CRMP1: variants seen among roughly 807,000 people sequenced by gnomAD.
CRMP1 encodes collapsin response mediator protein 1.
In CRMP1, 19 loss-of-function variants were observed where a neutral mutation model predicts 68.3. The ratio of observed to expected loss-of-function variants is 0.28; its 90% CI spans 0.19 to 0.41. The LOEUF is 0.41. Ranked by LOEUF, CRMP1 falls within the 10% of genes least tolerant of loss-of-function variation. The pLI, the probability that CRMP1 is intolerant of heterozygous loss-of-function variation, is 1.00. For synonymous variants in CRMP1, 439 were observed against 399.6 expected, an observed-to-expected ratio of 1.10 and a Z score of -1.18; for missense variants, 791 against 967.4, an observed-to-expected ratio of 0.82 and a Z score of 2.42.
In CRMP1 at chr4:5,843,439, A is replaced by G. The variant is rs994115069; in HGVS notation, c.964-278T>C. ...AGAGGAAGCAGGGTTATAAGACACG[A>G]GCTTCCAAGGCCACCCACCACTCTC... On this transcript the variant is annotated intron_variant, in intron 6 of 13. Transcript: ENST00000324989. The surrounding 1 kb of genome is among the most constrained non-coding windows in gnomAD (Gnocchi z 4.1). Among the ~76,000 whole-genome samples the G allele has an allele frequency of 3.2e-4, 49 of 151,954 alleles. No homozygotes were observed. Among genetic ancestry groups the G allele is most frequent in the African/African-American group, 1.0e-3 (43 of 41,358 alleles).
At position 5,866,393 on chromosome 4, in the gene CRMP1, A is replaced by C. The variant is rs1170823952; in HGVS notation, c.470+275T>G. On this transcript the variant is annotated intron_variant, in intron 2 of 13. Coordinates refer to ENST00000324989, the MANE Select transcript of CRMP1 (RefSeq NM_001014809.3). The surrounding 1 kb of genome is among the most constrained non-coding windows in gnomAD (Gnocchi z 5.9). ...CGCCTCCAAAACCACAAAACAGGAA[A>C]CGTGTCTGCATTTTGCAGCCTTTGT... is the stretch of plus-strand genomic sequence containing the variant. Among the ~76,000 whole-genome samples, 1 of 152,162 alleles carries C rather than the reference A, an allele frequency of 6.6e-6. No homozygotes were observed. The highest frequency in any genetic ancestry group is 2.4e-5 in the African/African-American group (1 of 41,432).
At chr4:5,868,291 A>ATATATATC (rs1159080294) in intron 1 of CRMP1, among the ~76,000 whole-genome samples, 1 of 99,246 alleles carries the variant, frequency 1.0e-5, no homozygotes, top group African/African-American at 4.6e-5. Flanking sequence ...ATATATATAT[A>ATATATATC]TATATATATA....
chr4:5,833,159 CTTTTTTTTTT>C (rs1160531301), intron 11 of CRMP1, among the ~76,000 whole-genome samples: 3 of 84,636 alleles, frequency 3.5e-5, no homozygotes, highest in Middle Eastern at 8.3e-3. Context: ...CCTTCCAGAA[CTTTTTTTTTT>C]TTTTTTTTTT....
Position 5,860,577 on chromosome 4 carries a change from T to C in CRMP1, c.655+449A>G, listed in dbSNP as rs1056079503. Among the ~76,000 whole-genome samples, 3 of 152,002 alleles carry C rather than the reference T, an allele frequency of 2.0e-5. No homozygotes were observed. The highest frequency in any genetic ancestry group is 6.6e-5 in the Admixed American group (1 of 15,254). ...TCTATTCTCCCATCTGTCACAATAATACCTATGTCACTGGTTCTGAAACCA... is the reference window on the plus strand; with the variant it reads ...TCTATTCTCCCATCTGTCACAATAACACCTATGTCACTGGTTCTGAAACCA... On this transcript the variant is annotated intron_variant, in intron 3 of 13. Transcript: ENST00000324989. The surrounding 1 kb of genome is among the most constrained non-coding windows in gnomAD (Gnocchi z 4.2).
rs1178158204 is a variant in CRMP1 at position 5,888,620 on chromosome 4, A to ACCCCGCC, written c.381+3962_381+3968dup. On this transcript the variant is annotated intron_variant, in intron 1 of 13. Transcript: ENST00000324989. This position sits in a 1 kb window ranked among gnomAD's most constrained non-coding sequence, Gnocchi z 6.4. The stretch of plus-strand genomic sequence containing the variant: ...GGAAGCGCTTCCCTTCCGATCTCCC[A>ACCCCGCC]CCCCGCCCCCCGCCCCCCACCCGCC... The ACCCCGCC allele has an allele frequency of 1.3e-5, 10 of 752,450 alleles. No homozygotes were observed. The highest frequency in any genetic ancestry group is 6.4e-5 in the South Asian group (1 of 15,728). 46.6% of individuals were successfully genotyped at this position (752,450 alleles called of 1,614,324 possible).
chr4:5,835,066 C>T (rs1315161204), intron 11 of CRMP1, among the ~76,000 whole-genome samples: 2 of 143,962 alleles, frequency 1.4e-5, no homozygotes, highest in Non-Finnish European at 1.5e-5. Flanking sequence ...GTATGTGAGC[C>T]CATACTCCTT....
Position 5,888,448 on chromosome 4 carries a change from C to CTT in CRMP1, c.381+4140_381+4141insAA. 1 of 1,214,154 alleles carries CTT rather than the reference C, an allele frequency of 8.2e-7. No individual in the cohort carries two copies. Among genetic ancestry groups the CTT allele is most frequent in the Middle Eastern group, 3.2e-4 (1 of 3,120 alleles). 75.2% of individuals were successfully genotyped at this position (1,214,154 alleles called of 1,614,324 possible). ...CTGCCCCGGCTGCTCGGCCCGCCCG[C>CTT]CGCCGCTCCGGCTGCCAGCACCGCC... On this transcript the variant is annotated intron_variant, in intron 1 of 13. Coordinates refer to ENST00000324989, the MANE Select transcript of CRMP1 (RefSeq NM_001014809.3). The surrounding 1 kb of genome is among the most constrained non-coding windows in gnomAD (Gnocchi z 6.4).
chr4:5,825,760 C>A lies in CRMP1; in HGVS notation c.1804-101G>T. On this transcript the variant is annotated intron_variant, in intron 12 of 13. Transcript: ENST00000324989. This position sits in a 1 kb window ranked among gnomAD's most constrained non-coding sequence, Gnocchi z 4.4. ...TGCGGGCGAGAGAGAAACCTGAGGT[C>A]ACTTCAAATGTGCATGCACACACAC... 1.6e-6 allele frequency: 2 copies of A among 1,236,040 alleles called. No individual in the cohort carries two copies. The highest frequency in any genetic ancestry group is 2.5e-5 in the East Asian group (1 of 40,554). 76.6% of individuals were successfully genotyped at this position (1,236,040 alleles called of 1,614,324 possible). A position where few individuals can be genotyped will look rare whatever the true frequency, so the allele number is the denominator to read the frequency against.
At position 5,881,050 on chromosome 4, in the gene CRMP1, G is replaced by A. The variant is rs1560520949; in HGVS notation, c.381+11539C>T. On this transcript the variant is annotated intron_variant, in intron 1 of 13. Transcript: ENST00000324989. The surrounding 1 kb of genome is among the most constrained non-coding windows in gnomAD (Gnocchi z 4.6). ...CTCACCACCCCCAGCCCAGGAGGAGGAATCCTTTATAGAGAATGGACACAG... is the reference window on the plus strand; with the variant it reads ...CTCACCACCCCCAGCCCAGGAGGAGAAATCCTTTATAGAGAATGGACACAG... Among the ~76,000 whole-genome samples the A allele has an allele frequency of 6.6e-6, 1 of 152,178 alleles. No homozygotes were observed. The highest frequency in any genetic ancestry group is 1.5e-5 in the Non-Finnish European group (1 of 68,034).
At position 5,883,449 on chromosome 4, in the gene CRMP1, C is replaced by T. The variant is rs1243641903; in HGVS notation, c.381+9140G>A. ...CCGAATAGCTGGGATTACAGGTGCC[C>T]GCCACCATGCCTGGCTAATTTTTGT... On this transcript the variant is annotated intron_variant, in intron 1 of 13. Transcript: ENST00000324989. This position sits in a 1 kb window ranked among gnomAD's most constrained non-coding sequence, Gnocchi z 4.5. 6.6e-6 allele frequency among the ~76,000 whole-genome samples: 1 copy of T among 152,108 alleles called. No homozygotes were observed. The highest frequency in any genetic ancestry group is 1.5e-5 in the Non-Finnish European group (1 of 67,986).
intron 1 of CRMP1, chr4:5,887,483 G>A: frequency 1.0e-6 from 1 of 985,504 alleles, no homozygotes; most frequent in Non-Finnish European, 1.2e-6. Flanking sequence ...TGACCGCTGC[G>A]CCCTCAGCTC....
chr4:5,871,480 G>A (rs1461575192), intron 1 of CRMP1, among the ~76,000 whole-genome samples: 1 of 152,220 alleles, frequency 6.6e-6, no homozygotes, highest in Middle Eastern at 3.4e-3. Context: ...CTAACATGGT[G>A]AAACCCCGTC....
chr4:5,822,034 C>G (rs1215981871), intron 13 of CRMP1, among the ~76,000 whole-genome samples, 183 bp from the exon 14 acceptor site: 1 of 139,102 alleles, frequency 7.2e-6, no homozygotes, highest in Non-Finnish European at 1.5e-5. Flanking sequence ...CTTCTGTGCC[C>G]CTCAGTCCCT....
intron 13 of CRMP1, among the ~76,000 whole-genome samples, chr4:5,822,090 C>T (rs3915841): frequency 5.3e-4 from 81 of 152,344 alleles, no homozygotes; most frequent in African/African-American, 1.7e-3. Flanking sequence ...GTGTTCTTGT[C>T]AAAATCCCCA....
At chr4:5,833,354 G>A (rs1366719542) in intron 11 of CRMP1, among the ~76,000 whole-genome samples, 1 of 105,814 alleles carries the variant, frequency 9.5e-6, no homozygotes, top group Admixed American at 8.6e-5. Flanking sequence ...TTTTAGTAGA[G>A]ACAGGGTTTC....
rs1715931832 is a variant in CRMP1, at chr4:5,891,195, CA to C, written c.381+1393del. ...ACACATACACACACACACACACACA[CA>C]CACACACACACACACACCCTTGCTG... On this transcript the variant is annotated intron_variant, in intron 1 of 13. Transcript: ENST00000324989. This position sits in a 1 kb window ranked among gnomAD's most constrained non-coding sequence, Gnocchi z 5.2. 1.3e-5 allele frequency among the ~76,000 whole-genome samples: 2 copies of C among 151,154 alleles called. No homozygotes were observed. Among genetic ancestry groups the C allele is most frequent in the African/African-American group, 4.9e-5 (2 of 41,026 alleles).
At position 5,883,266 on chromosome 4, in the gene CRMP1, C is replaced by T. The variant is rs373583668; in HGVS notation, c.381+9323G>A. Among the ~76,000 whole-genome samples, 3,017 of 118,858 alleles carry T rather than the reference C, an allele frequency of 0.025. 59 individuals carry two copies. Among genetic ancestry groups the T allele is most frequent in the South Asian group, 0.064 (220 of 3,412 alleles). 78.0% of individuals were successfully genotyped at this position (118,858 alleles called of 152,430 possible). A position where few individuals can be genotyped will look rare whatever the true frequency, so the allele number is the denominator to read the frequency against. Reference sequence around the variant, plus strand: ...TTCCTTCCTTCCTTCCTTCCTCCCTCCCTCCCTCCCTTCCTGTCTTTCTAT... The same window carrying T: ...TTCCTTCCTTCCTTCCTTCCTCCCTTCCTCCCTCCCTTCCTGTCTTTCTAT... On this transcript the variant is annotated intron_variant, in intron 1 of 13. Transcript: ENST00000324989. The surrounding 1 kb of genome is among the most constrained non-coding windows in gnomAD (Gnocchi z 4.5).
chr4:5,828,055 C>T (rs968384089), intron 12 of CRMP1: 2 of 985,298 alleles, frequency 2.0e-6, no homozygotes, highest in Non-Finnish European at 2.4e-6. Flanking sequence ...TGCAAGATGC[C>T]AGGGGTAACA....
intron 4 of CRMP1, among the ~76,000 whole-genome samples, chr4:5,851,844 GAGGAGGAGGAAGAGGAGC>G (rs1192093739): frequency 8.6e-5 from 13 of 150,970 alleles, no homozygotes; most frequent in Admixed American, 2.0e-4. Context: ...AGAAGGGGAG[GAGGAGGAGGAAGAGGAGC>G]AGGAGGAGGA....
Sources: gnomAD v4.1 joint callset for allele counts (sites outside exome capture counted in the v4.1 genomes callset) on GRCh38, gnomAD v4.1.1 for gene constraint, Gnocchi (gnomAD v3.1) non-coding constraint, MANE v1.5 for transcripts, NCBI Gene and HGNC (gene_info 2026-07-23, HGNC 2026-07-21) for gene names.